FCN2: variants seen among roughly 807,000 people sequenced by gnomAD.
FCN2 encodes the protein ficolin 2.
Under a neutral mutation model 32.5 loss-of-function variants are expected in FCN2, and 31 were observed. That is an observed-to-expected ratio of 0.96 (90% confidence interval 0.72 to 1.29). The LOEUF (loss-of-function observed/expected upper bound fraction) is 1.29. FCN2 is among the 50% of genes most tolerant of loss of function. The pLI, the probability that FCN2 is intolerant of heterozygous loss-of-function variation, is 0.00. For missense variants in FCN2, 412 were observed against 406.5 expected (o/e 1.01, Z -0.12); for synonymous variants, 181 against 164.5 (o/e 1.10, Z -0.77).
the FCN2 span, among the ~76,000 whole-genome samples, chr9:134,868,684 A>G: frequency 2.0e-5 from 3 of 152,196 alleles, no homozygotes; most frequent in Non-Finnish European, 4.4e-5. This position sits in a 1 kb window ranked among gnomAD's most constrained non-coding sequence, Gnocchi z 4.3. Flanking sequence ...GGCTAGGCGA[A>G]GCCCCAGCGT....
At chr9:134,887,106 G>A in intron 7 of FCN2, 62 bp from the exon 8 acceptor site, 1 of 1,598,250 alleles carries the variant, frequency 6.3e-7, no homozygotes, top group Non-Finnish European at 8.6e-7. Context: ...CAGGTATAAA[G>A]ACTTATACTG....
chr9:134,864,287 C>T, the FCN2 span, among the ~76,000 whole-genome samples: 39 of 152,310 alleles, frequency 2.6e-4, no homozygotes, highest in Non-Finnish European at 2.9e-4. Flanking sequence ...CCAAGCTTTC[C>T]CTAAAGACAC....
At chr9:134,886,406 G>T (rs1830756007) in intron 6 of FCN2, 24 bp from the exon 7 acceptor site, 8 of 1,614,118 alleles carry the variant, frequency 5.0e-6, no homozygotes, top group Non-Finnish European at 1.7e-6. Flanking sequence ...CTTCCGCTGA[G>T]ACCCTGAAAC....
chr9:134,886,822 C>T (rs952103776), intron 7 of FCN2, among the ~76,000 whole-genome samples: 9 of 152,276 alleles, frequency 5.9e-5, no homozygotes, highest in African/African-American at 1.7e-4. Context: ...GACCTATGCA[C>T]GGTGACAGCA....
upstream of FCN2, among the ~76,000 whole-genome samples, chr9:134,880,436 C>T (rs984565247): frequency 6.6e-6 from 1 of 152,220 alleles, no homozygotes; most frequent in African/African-American, 2.4e-5. Flanking sequence ...TCTAGGTATT[C>T]GGATAAGGGA....
chr9:134,883,472 C>T, intron 3 of FCN2, 117 bp downstream of exon 3: 1 of 919,896 alleles, frequency 1.1e-6, no homozygotes, highest in Admixed American at 1.9e-5. Flanking sequence ...CCAACGCCTG[C>T]CCAGGCAGGG....
chr9:134,884,395 T>G (rs1830712542), intron 3 of FCN2, among the ~76,000 whole-genome samples: 1 of 152,138 alleles, frequency 6.6e-6, no homozygotes, highest in Non-Finnish European at 1.5e-5. Flanking sequence ...ATCATATTAC[T>G]GTGTCCACCA....
At chr9:134,872,102 T>A in the FCN2 span, among the ~76,000 whole-genome samples, 1 of 152,258 alleles carries the variant, frequency 6.6e-6, no homozygotes, top group African/African-American at 2.4e-5. Context: ...CATGATGTTG[T>A]ACTGTGCACA....
chr9:134,885,325 A>C lies in FCN2; in HGVS notation c.388A>C (p.Thr130Pro). 1 of 1,614,066 alleles carries C rather than the reference A, an allele frequency of 6.2e-7. No homozygotes were observed. The highest frequency in any genetic ancestry group is 1.1e-5 in the South Asian group (1 of 91,078). The change falls in exon 5 of 8, where the codon ACT (threonine) becomes CCT (proline). Residue 130 changes from threonine to proline, a missense_variant. Thr to Pro is a conservative substitution (Grantham distance 38). Coordinates refer to ENST00000291744, the MANE Select transcript of FCN2 (RefSeq NM_004108.3). ...CTACCTGCCCGACTGCCGGCCCCTG[A>C]CTGTGCTCTGTGACATGGACACGGA... The part of the protein sequence containing the change: ...TIYLPDCRPL[T>P]VLCDMDTDGG...
At chr9:134,864,517 G>A in the FCN2 span, among the ~76,000 whole-genome samples, 2 of 152,182 alleles carry the variant, frequency 1.3e-5, no homozygotes, top group African/African-American at 4.8e-5. Context: ...TACAGTGGGT[G>A]GCTGCAGCCC....
rs1488563073 is a variant in FCN2, at chr9:134,880,863, C to T, written c.42C>T (p.Thr14=). Residue 14 remains threonine, a synonymous_variant, in exon 1 of 8, where the codon ACC becomes ACT. Transcript: ENST00000291744. Reference sequence around the variant, plus strand: ...CTGTGGGGGTCCTGGGCGCTGCCACCCTGCTGCTCTCTTTCCTGGGCATGG... The same window carrying T: ...CTGTGGGGGTCCTGGGCGCTGCCACTCTGCTGCTCTCTTTCCTGGGCATGG... ...DRAVGVLGAA[T]LLLSFLGMAW... The T allele has an allele frequency of 1.2e-6, 2 of 1,613,794 alleles. No homozygotes were observed. The highest frequency in any genetic ancestry group is 1.7e-5 in the Admixed American group (1 of 60,014).
intron 7 of FCN2, 99 bp from the exon 8 acceptor site, chr9:134,887,069 A>T (rs150323760): frequency 1.4e-6 from 2 of 1,379,960 alleles, no homozygotes; most frequent in Admixed American, 3.4e-5. Context: ...GCCTAACCAT[A>T]CATGGAGGAC....
chr9:134,865,439 G>A, the FCN2 span, among the ~76,000 whole-genome samples: 1 of 152,250 alleles, frequency 6.6e-6, no homozygotes, highest in African/African-American at 2.4e-5. Flanking sequence ...AAGGCCCCGA[G>A]TGGGGCTAGG....
chr9:134,887,403 G>A lies in FCN2; in HGVS notation c.930G>A (p.Val310=). 1.9e-6 allele frequency: 3 copies of A among 1,614,102 alleles called. No individual in the cohort carries two copies. Among genetic ancestry groups the A allele is most frequent in the South Asian group, 1.1e-5 (1 of 91,080 alleles). The change falls in exon 8 of 8, where the codon GTG becomes GTA. Residue 310 remains valine, a synonymous_variant. Coordinates refer to ENST00000291744, the MANE Select transcript of FCN2 (RefSeq NM_004108.3). The part of the protein sequence containing the change: ...NYSYKVSEMK[V]RPA The stretch of plus-strand genomic sequence containing the variant: ...GCTACAAGGTGTCAGAGATGAAGGT[G>A]CGACCTGCCTAGCCCAGGCCGGCCT...
the FCN2 span, among the ~76,000 whole-genome samples, chr9:134,871,719 G>A: frequency 3.9e-5 from 6 of 152,172 alleles, no homozygotes; most frequent in East Asian, 3.9e-4. Flanking sequence ...CCCCTTACCC[G>A]AGAGGAAAGA....
At position 134,887,224 on chromosome 9, in the gene FCN2, G is replaced by A. The variant is rs866543304; in HGVS notation, c.751G>A (p.Asp251Asn). The A allele has an allele frequency of 6.2e-7, 1 of 1,614,168 alleles. No homozygotes were observed. Among genetic ancestry groups the A allele is most frequent in the Non-Finnish European group, 8.5e-7 (1 of 1,179,984 alleles). ...QSFSTKDQDN[D>N]LNTGNCAVMF... ...CTTCTCCACCAAAGACCAGGACAAT[G>A]ATCTTAACACCGGAAATTGTGCTGT... Residue 251 changes from aspartate (D) to asparagine (N), a missense_variant, in exon 8 of 8, where the codon GAT (aspartate) becomes AAT (asparagine). Physicochemically the swap from Asp to Asn is conservative, Grantham distance 23. Transcript: ENST00000291744.
At chr9:134,874,057 G>C in the FCN2 span, among the ~76,000 whole-genome samples, 129,032 of 151,902 alleles carry the variant, frequency 0.85, 55,169 homozygotes, top group East Asian at 0.98. Context: ...AGTAGTTACA[G>C]GTGTGTGCCA....
At chr9:134,884,806 T>A (rs1227565984) in intron 4 of FCN2, 34 bp downstream of exon 4, 2 of 1,609,470 alleles carry the variant, frequency 1.2e-6, no homozygotes, top group Non-Finnish European at 1.7e-6. Flanking sequence ...TCCCACGGCT[T>A]GTGGCTGCCC....
the FCN2 span, chr9:134,868,315 A>G: frequency 6.5e-6 from 1 of 153,668 alleles, no homozygotes; most frequent in Admixed American, 6.5e-5. The surrounding 1 kb of genome is among the most constrained non-coding windows in gnomAD (Gnocchi z 4.3). Context: ...GCCGTGCACT[A>G]TCAGGGAGCC....
Sources: gnomAD v4.1 joint callset for allele counts (sites outside exome capture counted in the v4.1 genomes callset) on GRCh38, gnomAD v4.1.1 for gene constraint, Gnocchi (gnomAD v3.1) non-coding constraint, MANE v1.5 for transcripts, NCBI Gene and HGNC (gene_info 2026-07-23, HGNC 2026-07-21) for gene names.